The following MROH2B variants were observed in gnomAD, a reference collection of about 807,000 sequenced individuals.
MROH2B encodes the protein maestro heat like repeat family member 2B.
Under a neutral mutation model 208.6 loss-of-function variants are expected in MROH2B, and 177 were observed. That is an observed-to-expected ratio of 0.85 (90% CI 0.75 to 0.96). The LOEUF (loss-of-function observed/expected upper bound fraction) is 0.96. Among genes scored for constraint, MROH2B ranks in the 40% least tolerant of loss-of-function variants. The pLI is 0.00. For synonymous variants in MROH2B, 728 were observed against 659.0 expected, an observed-to-expected ratio of 1.10 and a Z score of -1.60; for missense variants, 2,002 against 1,878.7, an observed-to-expected ratio of 1.07 and a Z score of -1.21.
intron 10 of MROH2B, among the ~76,000 whole-genome samples, chr5:41,055,450 T>A (rs993965324): frequency 7.6e-6 from 1 of 131,292 alleles, no homozygotes; most frequent in Admixed American, 8.1e-5. Context: ...CCCCTTGATA[T>A]TGGACCATTT....
intron 13 of MROH2B, among the ~76,000 whole-genome samples, chr5:41,050,391 T>C (rs573290264): frequency 2.4e-4 from 36 of 152,344 alleles, no homozygotes; most frequent in African/African-American, 7.2e-4. Flanking sequence ...TTTTGGTCTC[T>C]ATGTCCAGTT....
At chr5:41,038,289 C>G (rs1372643818) in intron 21 of MROH2B, among the ~76,000 whole-genome samples, 1 of 152,072 alleles carries the variant, frequency 6.6e-6, no homozygotes, top group East Asian at 1.9e-4. Flanking sequence ...TAAAATAGTA[C>G]AGGAGTAACT....
chr5:41,032,563 T>C (rs974254183), intron 24 of MROH2B, among the ~76,000 whole-genome samples, 179 bp downstream of exon 24: 1 of 152,188 alleles, frequency 6.6e-6, no homozygotes, highest in Middle Eastern at 3.4e-3. Context: ...ATGACCAATT[T>C]CTCAGCCAGA....
At position 40,998,115 on chromosome 5, in the gene MROH2B, T is replaced by C. The variant is rs1240399165; in HGVS notation, c.4695A>G (p.Arg1565=). 1 of 1,612,612 alleles carries C rather than the reference T, an allele frequency of 6.2e-7. No individual in the cohort carries two copies. Among genetic ancestry groups the C allele is most frequent in the Non-Finnish European group, 8.5e-7 (1 of 1,178,802 alleles). The change falls in exon 42 of 42, where the codon AGA becomes AGG. Residue 1565 remains arginine (R), a synonymous_variant. Transcript: ENST00000399564. ...LRQDPCISVQ[R]AAEAALQTLL... is the part of the protein sequence containing the mutation. ...GGGTTTGCAAAGCAGCCTCAGCTGC[T>C]CTCTGGACACTAATACACGGATCTT...
intron 29 of MROH2B, among the ~76,000 whole-genome samples, chr5:41,014,633 G>A (rs146833729): frequency 6.6e-6 from 1 of 152,214 alleles, no homozygotes; most frequent in East Asian, 1.9e-4. Context: ...AAAAGGCCCA[G>A]AAGGCCCTTG....
In MROH2B at chr5:41,058,192, G is replaced by A. The variant is rs769380827; in HGVS notation, c.627C>T (p.Ile209=). The part of the protein sequence containing the change: ...PLASPMQTLS[I]VKAHGPTVSL... ...TCACCGTGGGCCCGTGGGCCTTAAC[G>A]ATGCTCAAAGTCTGTACAGGCAGCA... Residue 209 remains isoleucine (I), a synonymous_variant, in exon 7 of 42, where the codon ATC becomes ATT. Coordinates refer to ENST00000399564, the MANE Select transcript of MROH2B (RefSeq NM_173489.5). 2.5e-6 allele frequency: 4 copies of A among 1,585,238 alleles called. No homozygotes were observed. Among genetic ancestry groups the A allele is most frequent in the Non-Finnish European group, 3.4e-6 (4 of 1,165,202 alleles).
rs140793931 is a variant in MROH2B, at chr5:41,023,701, T to A, written c.2442-4683A>T. Among the ~76,000 whole-genome samples, 794 of 152,146 alleles carry A rather than the reference T, an allele frequency of 5.2e-3. 10 individuals are homozygous for A. Among genetic ancestry groups the A allele is most frequent in the African/African-American group, 0.018 (733 of 41,504 alleles). ...CAGAAAATGCCACAAAGATACTCTT[T>A]GAGAAGAGCAACTCCAAGACACATA... is the stretch of plus-strand genomic sequence containing the variant. On this transcript the variant is annotated intron_variant, in intron 24 of 41. Coordinates refer to ENST00000399564, the MANE Select transcript of MROH2B (RefSeq NM_173489.5).
At chr5:40,999,835 T>C (rs1741329058) in intron 39 of MROH2B, 56 bp from the exon 40 acceptor site, 4 of 1,529,178 alleles carry the variant, frequency 2.6e-6, no homozygotes, top group African/African-American at 1.4e-5. Context: ...TTTGTGACAT[T>C]TGGCATCCTA....
chr5:40,999,741 T>C lies in MROH2B; in HGVS notation c.4521A>G (p.Thr1507=). 6.2e-7 allele frequency: 1 copy of C among 1,613,640 alleles called. No homozygotes were observed. The highest frequency in any genetic ancestry group is 8.5e-7 in the Non-Finnish European group (1 of 1,179,646). ...TGCTGGTGAAGAAGGTGAAGGAGTG[T>C]GTGTGGAGGATCCACAGAATTTCCT... ...KNQEILWILH[T]HSFTFFTSTW... Residue 1507 remains threonine, a synonymous_variant, in exon 40 of 42, where the codon ACA becomes ACG. Transcript: ENST00000399564.
Position 41,016,262 on chromosome 5 carries a change from GT to G in MROH2B, c.2885-785del, listed in dbSNP as rs1316012147. Among the ~76,000 whole-genome samples the G allele has an allele frequency of 2.0e-5, 3 of 152,104 alleles. No individual in the cohort carries two copies. The East Asian group carries it at 5.8e-4, about 29-fold the overall frequency. ...CACTTGTTACTTGTGTCTAGTAGGT[GT>G]TTTAGTAATACATGTTCTTTCTCTC... On this transcript the variant is annotated intron_variant, in intron 28 of 41. Transcript: ENST00000399564.
intron 24 of MROH2B, among the ~76,000 whole-genome samples, chr5:41,024,041 AC>A (rs1490329295): frequency 6.6e-6 from 1 of 152,206 alleles, no homozygotes; most frequent in Non-Finnish European, 1.5e-5. Flanking sequence ...GAAGCACTAA[AC>A]ATGGTAAAGA....
In MROH2B at chr5:40,998,129, T is replaced by C. The variant is rs1236258549; in HGVS notation, c.4681A>G (p.Ile1561Val). The C allele has an allele frequency of 1.2e-5, 20 of 1,612,460 alleles. No individual in the cohort carries two copies. The highest frequency in any genetic ancestry group is 2.2e-5 in the East Asian group (1 of 44,862). ...RLQALRQDPC[I>V]SVQRAAEAAL... ...GCCTCAGCTGCTCTCTGGACACTAA[T>C]ACACGGATCTTGACGAAGTGCTTGG... Residue 1561 changes from isoleucine to valine, a missense_variant, in exon 42 of 42, where the codon ATT (isoleucine) becomes GTT (valine). Ile to Val is a conservative substitution (Grantham distance 29). Coordinates refer to ENST00000399564, the MANE Select transcript of MROH2B (RefSeq NM_173489.5).
chr5:41,027,062 C>CT (rs1222547978), intron 24 of MROH2B, among the ~76,000 whole-genome samples: 2 of 152,176 alleles, frequency 1.3e-5, no homozygotes, highest in East Asian at 3.9e-4. Context: ...GACTTAAATG[C>CT]TAGACGTAAA....
chr5:41,035,412 A>C (rs906913411), intron 21 of MROH2B, among the ~76,000 whole-genome samples: 1 of 152,118 alleles, frequency 6.6e-6, no homozygotes, highest in African/African-American at 2.4e-5. Context: ...CTAGACCTTT[A>C]CCTTTCACTA....
chr5:41,033,132 C>T lies in MROH2B; in HGVS notation c.2270G>A (p.Arg757Lys), dbSNP rs1215938847. 3 of 1,612,948 alleles carry T rather than the reference C, an allele frequency of 1.9e-6. No individual in the cohort carries two copies. Among genetic ancestry groups the T allele is most frequent in the Non-Finnish European group, 2.5e-6 (3 of 1,179,208 alleles). ...AGCAATGCCAATCTCAGTGATGCTT[C>T]TTGTGAAACTCATTTGCAGATCCAT... Reference protein sequence around the residue: ...KDMDLQMSFTRSITEIGIAVQ... With the variant: ...KDMDLQMSFTKSITEIGIAVQ... The change falls in exon 23 of 42, where the codon AGA becomes AAA. Residue 757 changes from arginine to lysine, a missense_variant. Arg to Lys is a conservative substitution (Grantham distance 26, BLOSUM62 2). Coordinates refer to ENST00000399564, the MANE Select transcript of MROH2B (RefSeq NM_173489.5).
rs775672902 is a variant in MROH2B, at chr5:41,039,452, C to T, written c.2057G>A (p.Cys686Tyr). 22 of 1,565,860 alleles carry T rather than the reference C, an allele frequency of 1.4e-5. 1 individual carries two copies. The South Asian group carries it at 2.1e-4, about 15-fold the overall frequency. The change falls in exon 20 of 42, where the codon TGT (cysteine) becomes TAT (tyrosine). Residue 686 changes from cysteine to tyrosine, a missense_variant. By Grantham distance (194) the Cys-to-Tyr change is radical (BLOSUM62 -2). Coordinates refer to ENST00000399564, the MANE Select transcript of MROH2B (RefSeq NM_173489.5). ...QNQEKFFMNR[C>Y]KSLFSGKKSL... ...GAAGGAGATGATTCTTCTTACCTTA[C>T]ATCGATTCATGAAAAACTTTTCCTG...
chr5:41,062,283 C>A (rs1554052141), intron 5 of MROH2B, among the ~76,000 whole-genome samples: 1 of 152,112 alleles, frequency 6.6e-6, no homozygotes, highest in Non-Finnish European at 1.5e-5. Context: ...TGGGCGATAA[C>A]TCCACAGAAC....
intron 32 of MROH2B, 92 bp from the exon 33 acceptor site, chr5:41,008,885 C>T: frequency 5.6e-6 from 7 of 1,255,734 alleles, no homozygotes; most frequent in Non-Finnish European, 7.7e-6. Flanking sequence ...TTTTCTCCAC[C>T]AGTAAAAACA....
chr5:41,058,911 G>C (rs930456652), intron 6 of MROH2B, among the ~76,000 whole-genome samples: 2 of 151,772 alleles, frequency 1.3e-5, no homozygotes, highest in Non-Finnish European at 2.9e-5. Flanking sequence ...AGCTGGGCAT[G>C]GTGGTGGGCG....
Sources: gnomAD v4.1 joint callset for allele counts (sites outside exome capture counted in the v4.1 genomes callset) on GRCh38, gnomAD v4.1.1 for gene constraint, MANE v1.5 for transcripts, NCBI Gene and HGNC (gene_info 2026-07-23, HGNC 2026-07-21) for gene names.